Variants in CA10 observed in about 807,000 individuals in gnomAD.
CA10 encodes the protein carbonic anhydrase 10 (inactive).
CA10 carries 14 observed loss-of-function variants against 44.2 expected under a neutral mutation model. The ratio of observed to expected loss-of-function variants is 0.32; its 90% CI spans 0.21 to 0.50. The LOEUF (loss-of-function observed/expected upper bound fraction) is 0.50. Ranked by LOEUF, CA10 falls within the 20% of genes least tolerant of loss-of-function variation. The probability of loss-of-function intolerance (pLI) is 0.99; values close to 1 mark genes in which losing one functional copy is unlikely to be tolerated. For missense variants in CA10, 350 were observed against 409.7 expected (o/e 0.85, Z 1.26); for synonymous variants, 159 against 141.6 (o/e 1.12, Z -0.87).
At chr17:52,021,625 T>G (rs1986142539) in intron 2 of CA10, among the ~76,000 whole-genome samples, 1 of 151,996 alleles carries the variant, frequency 6.6e-6, no homozygotes, top group Non-Finnish European at 1.5e-5. Context: ...GTTTATTTTT[T>G]GTAAGGATAA....
intron 3 of CA10, among the ~76,000 whole-genome samples, chr17:51,785,885 T>C (rs78682308): frequency 0.016 from 2,454 of 152,338 alleles, 61 homozygotes; most frequent in African/African-American, 0.055. Flanking sequence ...AATCTGTAGA[T>C]TGCCTTGGGC....
intron 3 of CA10, among the ~76,000 whole-genome samples, chr17:51,833,961 A>T (rs1398915811): frequency 4.6e-5 from 7 of 152,232 alleles, no homozygotes; most frequent in Non-Finnish European, 1.0e-4. Context: ...CACTGTAATG[A>T]GGAAAGAATA....
At chr17:51,728,379 T>C (rs1168554534) in intron 4 of CA10, among the ~76,000 whole-genome samples, 1 of 152,182 alleles carries the variant, frequency 6.6e-6, no homozygotes. Flanking sequence ...TTTCTACTAC[T>C]GTCCTTTTTC....
intron 4 of CA10, among the ~76,000 whole-genome samples, chr17:51,683,574 CT>C (rs1470218827): frequency 6.6e-6 from 1 of 152,148 alleles, no homozygotes; most frequent in Non-Finnish European, 1.5e-5. Flanking sequence ...TAACCAGTTT[CT>C]TTTTTGTGCA....
chr17:51,993,210 C>A (rs1198651103), intron 2 of CA10, among the ~76,000 whole-genome samples: 1 of 152,040 alleles, frequency 6.6e-6, no homozygotes, highest in East Asian at 1.9e-4. Flanking sequence ...GGCTCGTGCA[C>A]ATTAATCCAA....
intron 3 of CA10, among the ~76,000 whole-genome samples, chr17:51,784,736 C>T (rs966914494): frequency 5.3e-5 from 8 of 152,332 alleles, no homozygotes; most frequent in Admixed American, 2.6e-4. Flanking sequence ...TCATGGAGAA[C>T]GGAGTATCCA....
intron 3 of CA10, among the ~76,000 whole-genome samples, chr17:51,862,582 T>C (rs968865270): frequency 6.6e-6 from 1 of 152,166 alleles, no homozygotes; most frequent in African/African-American, 2.4e-5. Flanking sequence ...ATAAGAGTTC[T>C]GGGTTCAGAA....
chr17:51,967,333 G>GATATATATATAT (rs34446295), intron 2 of CA10, among the ~76,000 whole-genome samples: 2 of 147,324 alleles, frequency 1.4e-5, no homozygotes, highest in African/African-American at 4.9e-5. Flanking sequence ...CATTACTGGA[G>GATATATATATAT]ATATATATAT....
chr17:51,837,931 G>A (rs1378917019), intron 3 of CA10, among the ~76,000 whole-genome samples: 1 of 152,148 alleles, frequency 6.6e-6, no homozygotes, highest in Non-Finnish European at 1.5e-5. Flanking sequence ...GATGATGAAA[G>A]CATTTGTACA....
chr17:52,056,823 A>G (rs1290380511), intron 2 of CA10, among the ~76,000 whole-genome samples: 1 of 152,112 alleles, frequency 6.6e-6, no homozygotes, highest in Non-Finnish European at 1.5e-5. Flanking sequence ...GTAAAGCTAT[A>G]TCTGATTTCA....
At chr17:51,912,758 G>T (rs1267869837) in intron 3 of CA10, among the ~76,000 whole-genome samples, 1 of 152,178 alleles carries the variant, frequency 6.6e-6, no homozygotes, top group Non-Finnish European at 1.5e-5. Context: ...CAAGAGAACA[G>T]CATGTGAAGC....
At chr17:51,698,659 C>A (rs1915483132) in intron 4 of CA10, among the ~76,000 whole-genome samples, 1 of 152,126 alleles carries the variant, frequency 6.6e-6, no homozygotes, top group Admixed American at 6.6e-5. Flanking sequence ...CATTAAATCT[C>A]CAGAATTTAT....
intron 4 of CA10, among the ~76,000 whole-genome samples, chr17:51,743,022 C>T (rs1007642086): frequency 6.6e-6 from 1 of 152,224 alleles, no homozygotes; most frequent in African/African-American, 2.4e-5. Context: ...GCAGAAGCTG[C>T]ACTCTGGCCC....
chr17:51,695,236 C>A (rs1915360576), intron 4 of CA10, among the ~76,000 whole-genome samples: 1 of 152,122 alleles, frequency 6.6e-6, no homozygotes, highest in African/African-American at 2.4e-5. Context: ...CTACAGATTG[C>A]TTTGGGCAGT....
At chr17:52,118,063 T>C (rs945342287) in intron 1 of CA10, among the ~76,000 whole-genome samples, 1 of 152,314 alleles carries the variant, frequency 6.6e-6, no homozygotes, top group East Asian at 1.9e-4. Flanking sequence ...TTAGCAAAAT[T>C]TGTAGAGGGT....
chr17:51,949,489 A>G (rs1983404928), intron 2 of CA10, among the ~76,000 whole-genome samples: 2 of 152,188 alleles, frequency 1.3e-5, no homozygotes, highest in South Asian at 4.1e-4. Context: ...ATCTGCACAT[A>G]TGTTGGAAAT....
intron 4 of CA10, among the ~76,000 whole-genome samples, chr17:51,660,596 G>C (rs1417869503): frequency 6.6e-6 from 1 of 152,192 alleles, no homozygotes; most frequent in African/African-American, 2.4e-5. Flanking sequence ...CCTCAGGAGG[G>C]CAACAGGCTG....
intron 4 of CA10, among the ~76,000 whole-genome samples, chr17:51,654,425 C>A (rs34123795): frequency 6.6e-6 from 1 of 152,172 alleles, no homozygotes; most frequent in Non-Finnish European, 1.5e-5. Flanking sequence ...TTTTTAGCCA[C>A]ATGATCAAGT....
intron 4 of CA10, among the ~76,000 whole-genome samples, chr17:51,736,308 T>A (rs1280943507): frequency 6.6e-6 from 1 of 152,184 alleles, no homozygotes; most frequent in African/African-American, 2.4e-5. Context: ...TGGGAACACA[T>A]TAGCCCTAGA....
Sources: allele counts gnomAD v4.1 joint callset (sites outside exome capture counted in the v4.1 genomes callset), GRCh38; gene constraint gnomAD v4.1.1; transcripts MANE v1.5; gene names NCBI Gene and HGNC (gene_info 2026-07-23, HGNC 2026-07-21).